Variants in CDH18 observed in about 807,000 individuals in gnomAD.
CDH18 encodes the protein cadherin-18.
Under a neutral mutation model 67.9 loss-of-function variants are expected in CDH18, and 31 were observed. The ratio of observed to expected loss-of-function variants is 0.46; its 90% CI spans 0.34 to 0.62. The LOEUF (loss-of-function observed/expected upper bound fraction) is 0.62. Ranked by LOEUF, CDH18 falls within the 20% of genes least tolerant of loss-of-function variation. The pLI is 0.01. For missense variants in CDH18, 890 were observed against 975.5 expected (o/e 0.91, Z 1.17); for synonymous variants, 362 against 347.2 (o/e 1.04, Z -0.48).
chr5:19,903,617 C>CT (rs59678864), intron 2 of CDH18, among the ~76,000 whole-genome samples: 3,060 of 89,906 alleles, frequency 0.034, 73 homozygotes, highest in Middle Eastern at 0.061. Flanking sequence ...AGCAAAGTGG[C>CT]TTTTTTTTTT....
chr5:19,644,540 CT>C (rs1754464164), intron 5 of CDH18, among the ~76,000 whole-genome samples: 1 of 152,174 alleles, frequency 6.6e-6, no homozygotes, highest in African/African-American at 2.4e-5. Context: ...ACAGTTGTTC[CT>C]TCCCCTTGTA....
chr5:20,156,597 A>G (rs1255314418), intron 2 of CDH18, among the ~76,000 whole-genome samples: 1 of 152,112 alleles, frequency 6.6e-6, no homozygotes, highest in African/African-American at 2.4e-5. Context: ...GGGAGAGATC[A>G]AATACTACCT....
At chr5:19,744,266 C>T (rs1450064152) in intron 4 of CDH18, among the ~76,000 whole-genome samples, 1 of 152,086 alleles carries the variant, frequency 6.6e-6, no homozygotes, top group African/African-American at 2.4e-5. Context: ...CTACTACTTT[C>T]AGATATTAAA....
chr5:20,108,062 TTTTG>T (rs1457438196), intron 2 of CDH18, among the ~76,000 whole-genome samples: 1 of 151,624 alleles, frequency 6.6e-6, no homozygotes, highest in Non-Finnish European at 1.5e-5. Context: ...GCCTCTTTGT[TTTTG>T]TTTGTTTCTT....
At chr5:19,787,902 T>A (rs1775981932) in intron 3 of CDH18, among the ~76,000 whole-genome samples, 1 of 151,450 alleles carries the variant, frequency 6.6e-6, no homozygotes, top group Admixed American at 6.6e-5. Flanking sequence ...ATTAACTCCT[T>A]CAGAAGTATA....
At chr5:19,645,374 T>G (rs948278593) in intron 5 of CDH18, among the ~76,000 whole-genome samples, 3 of 152,064 alleles carry the variant, frequency 2.0e-5, no homozygotes, top group African/African-American at 7.2e-5. Context: ...AGGGAACTAG[T>G]GGAGTCCAAG....
At chr5:19,785,160 T>G (rs1320979330) in intron 3 of CDH18, among the ~76,000 whole-genome samples, 1 of 152,150 alleles carries the variant, frequency 6.6e-6, no homozygotes, top group Non-Finnish European at 1.5e-5. Flanking sequence ...TAAACCTCTT[T>G]AAATATTTTA....
intron 1 of CDH18, among the ~76,000 whole-genome samples, chr5:20,376,107 T>TTTTTTTTTTTTTTTTTTTTTG (rs1318320616): frequency 1.8e-5 from 2 of 112,942 alleles, no homozygotes; most frequent in African/African-American, 6.1e-5. Flanking sequence ...TTTTTTTTTT[T>TTTTTTTTTTTTTTTTTTTTTG]TTTTGAGACG....
intron 1 of CDH18, among the ~76,000 whole-genome samples, chr5:20,382,040 CTAAAA>C (rs1421699450): frequency 2.6e-5 from 4 of 152,008 alleles, no homozygotes; most frequent in Non-Finnish European, 5.9e-5. Context: ...CTAAGCTGTG[CTAAAA>C]TAAAATATGT....
At chr5:20,487,439 C>A (rs950242987) in intron 1 of CDH18, among the ~76,000 whole-genome samples, 1 of 149,232 alleles carries the variant, frequency 6.7e-6, no homozygotes, top group African/African-American at 2.5e-5. Flanking sequence ...AAAATATAAT[C>A]GGGCTACATC....
intron 4 of CDH18, among the ~76,000 whole-genome samples, chr5:19,721,955 T>C (rs1056126042): frequency 7.2e-5 from 11 of 152,200 alleles, no homozygotes; most frequent in African/African-American, 2.7e-4. Context: ...CAACACTCCA[T>C]TCAAGTCATT....
chr5:19,584,749 A>T (rs1743830509), intron 7 of CDH18, among the ~76,000 whole-genome samples: 1 of 146,100 alleles, frequency 6.8e-6, no homozygotes, highest in Non-Finnish European at 1.5e-5. Flanking sequence ...GGAGTTAGAG[A>T]CCAGCCAGGG....
intron 1 of CDH18, among the ~76,000 whole-genome samples, chr5:20,491,380 G>A (rs1381750632): frequency 2.0e-5 from 3 of 152,058 alleles, no homozygotes; most frequent in Admixed American, 2.0e-4. Context: ...TTTTAAAGAG[G>A]GGAAATATAT....
intron 2 of CDH18, among the ~76,000 whole-genome samples, chr5:19,848,519 G>A (rs1266039769): frequency 6.6e-6 from 1 of 152,116 alleles, no homozygotes; most frequent in Non-Finnish European, 1.5e-5. Context: ...TCCATGGGAT[G>A]TAAGAAGAGC....
chr5:19,895,363 G>A (rs1322772042), intron 2 of CDH18, among the ~76,000 whole-genome samples: 1 of 152,112 alleles, frequency 6.6e-6, no homozygotes, highest in East Asian at 1.9e-4. Context: ...TAAATGAGTG[G>A]TTTTTCTGAT....
intron 2 of CDH18, chr5:20,158,854 C>A: frequency 5.0e-6 from 1 of 200,390 alleles, no homozygotes; most frequent in South Asian, 1.2e-4. Context: ...CATCATTAGC[C>A]AACTGCACAA....
At chr5:19,966,456 T>C (rs1054647084) in intron 2 of CDH18, among the ~76,000 whole-genome samples, 14 of 152,284 alleles carry the variant, frequency 9.2e-5, no homozygotes, top group Non-Finnish European at 1.9e-4. Context: ...CACATAATTG[T>C]ATATTCCAAC....
chr5:20,427,301 T>A (rs1463011656), intron 1 of CDH18, among the ~76,000 whole-genome samples: 1 of 151,218 alleles, frequency 6.6e-6, no homozygotes, highest in African/African-American at 2.5e-5. Context: ...AGAAAATGTA[T>A]CTTAGAAAGT....
chr5:19,525,304 C>CAT (rs1747586188), intron 9 of CDH18, among the ~76,000 whole-genome samples: 1 of 152,098 alleles, frequency 6.6e-6, no homozygotes, highest in Admixed American at 6.5e-5. Flanking sequence ...TCTGCTTCAA[C>CAT]ATAGACTCTG....
Sources: gnomAD v4.1 joint callset for allele counts (sites outside exome capture counted in the v4.1 genomes callset) on GRCh38, gnomAD v4.1.1 for gene constraint, MANE v1.5 for transcripts, NCBI Gene and HGNC (gene_info 2026-07-23, HGNC 2026-07-21) for gene names.